DPYSL5: variants seen among roughly 807,000 people sequenced by gnomAD.
The protein encoded by DPYSL5 is dihydropyrimidinase-related protein 5.
DPYSL5 carries 9 observed loss-of-function variants against 58.4 expected under a neutral mutation model. The ratio of observed to expected loss-of-function variants is 0.15; its 90% CI spans 0.09 to 0.27. The LOEUF is 0.27. DPYSL5 is among the 10% of genes least tolerant of loss of function. DPYSL5 has a pLI of 1.00. For missense variants in DPYSL5, 499 were observed against 770.6 expected, an observed-to-expected ratio of 0.65 and a Z score of 4.17; for synonymous variants, 293 against 301.9, an observed-to-expected ratio of 0.97 and a Z score of 0.31.
At chr2:26,931,573 G>T in intron 5 of DPYSL5, 67 bp from the exon 6 acceptor site, 1 of 1,598,904 alleles carries the variant, frequency 6.3e-7, no homozygotes, top group Non-Finnish European at 8.6e-7. Context: ...GAAGGGGAGA[G>T]TATGGTGTGG....
rs1252301588 is a variant in DPYSL5, at chr2:26,924,995, G to A, written c.370G>A (p.Val124Ile). Residue 124 changes from valine (V) to isoleucine (I), a missense_variant, in exon 3 of 13, where the codon GTC becomes ATC. This residue lies in a region of DPYSL5 where 404 missense variants were observed against 647.6 expected (regional missense o/e 0.62). Transcript: ENST00000288699. This position sits in a 1 kb window ranked among gnomAD's most constrained non-coding sequence, Gnocchi z 4.7. ...GTGCCGAGGTCTGGCCGACCCCAAG[G>A]TCTGCTGTGATTACGCCCTCCACGT... ...EKCRGLADPK[V>I]CCDYALHVGI... 1 of 1,614,166 alleles carries A rather than the reference G, an allele frequency of 6.2e-7. No individual in the cohort carries two copies. The highest frequency in any genetic ancestry group is 1.1e-5 in the South Asian group (1 of 91,078).
chr2:26,913,219 T>C (rs536331652), intron 2 of DPYSL5, among the ~76,000 whole-genome samples: 2 of 152,314 alleles, frequency 1.3e-5, no homozygotes, highest in South Asian at 4.1e-4. Context: ...TGGCTCTCTA[T>C]TGATGAGGGT....
intron 1 of DPYSL5, among the ~76,000 whole-genome samples, chr2:26,863,978 C>T (rs550271281): frequency 7.2e-5 from 11 of 152,246 alleles, no homozygotes; most frequent in African/African-American, 2.6e-4. Flanking sequence ...TGCAGTGGCT[C>T]ACACTTGTAA....
In DPYSL5 at chr2:26,931,680, A is replaced by G; in HGVS notation, c.710A>G (p.Asn237Ser). Residue 237 changes from asparagine (N) to serine (S), a missense_variant, in exon 6 of 13, where the codon AAC (asparagine) becomes AGC (serine). Transcript: ENST00000288699. Reference sequence around the variant, plus strand: ...ACTCATCGTGTTATCACCATTGCAAACAGGGTAAGTCCCCCGATGTCCACT... The same window carrying G: ...ACTCATCGTGTTATCACCATTGCAAGCAGGGTAAGTCCCCCGATGTCCACT... ...EATHRVITIA[N>S]RTHCPIYLVN... 6.2e-7 allele frequency: 1 copy of G among 1,613,934 alleles called. No individual in the cohort carries two copies. Among genetic ancestry groups the G allele is most frequent in the Non-Finnish European group, 8.5e-7 (1 of 1,179,928 alleles).
rs149842466 is a variant in DPYSL5 at position 26,885,082 on chromosome 2, C to T, written c.-4-13414C>T. On this transcript the variant is annotated intron_variant, in intron 1 of 12. Coordinates refer to ENST00000288699, the MANE Select transcript of DPYSL5 (RefSeq NM_020134.4). ...GGCGTGGTGGCAGGTACCTGTAATC[C>T]CAGCTACTCGGGAGGCTGAGGCAGG... 9.1e-3 allele frequency among the ~76,000 whole-genome samples: 1,390 copies of T among 152,144 alleles called. 16 individuals carry two copies. Among genetic ancestry groups the T allele is most frequent in the African/African-American group, 0.03 (1,264 of 41,502 alleles).
rs537629773 is a variant in DPYSL5 at position 26,880,758 on chromosome 2, G to A, written c.-4-17738G>A. ...TCCCATCACTCACAGCTCAGAGTCC[G>A]TTCCTGTGGCTGACGCTGTAAATGC... On this transcript the variant is annotated intron_variant, in intron 1 of 12. Transcript: ENST00000288699. Among the ~76,000 whole-genome samples, 11 of 152,286 alleles carry A rather than the reference G, an allele frequency of 7.2e-5. No homozygotes were observed. The South Asian group carries it at 8.3e-4, about 11-fold the overall frequency.
rs78379917 is a variant in DPYSL5, at chr2:26,887,144, A to T, written c.-4-11352A>T. ...GATATAACAGTCTTGTGTGTTTTTGATATCACAGTGACCAGTTATCTGTAA... is the reference window on the plus strand; with the variant it reads ...GATATAACAGTCTTGTGTGTTTTTGTTATCACAGTGACCAGTTATCTGTAA... On this transcript the variant is annotated intron_variant, in intron 1 of 12. Coordinates refer to ENST00000288699, the MANE Select transcript of DPYSL5 (RefSeq NM_020134.4). Among the ~76,000 whole-genome samples the T allele has an allele frequency of 3.6e-3, 553 of 152,322 alleles. 7 individuals carry two copies. The East Asian group carries it at 0.054, about 15-fold the overall frequency.
rs1664075620 is a variant in DPYSL5, at chr2:26,898,617, C to T, written c.118C>T (p.Arg40Cys). 1.2e-6 allele frequency: 2 copies of T among 1,613,992 alleles called. No homozygotes were observed. The highest frequency in any genetic ancestry group is 1.7e-6 in the Non-Finnish European group (2 of 1,180,036). ...GAATGGCATCATCCAGCAGGTGGGC[C>T]GCGAGCTCATGATCCCTGGCGGGGC... ...IENGIIQQVG[R>C]ELMIPGGAKV... The change falls in exon 2 of 13, where the codon CGC becomes TGC. Residue 40 changes from arginine to cysteine, a missense_variant. Physicochemically the swap from Arg to Cys is radical, Grantham distance 180 (BLOSUM62 -3). This residue lies in a region of DPYSL5 where 404 missense variants were observed against 647.6 expected (regional missense o/e 0.62). Coordinates refer to ENST00000288699, the MANE Select transcript of DPYSL5 (RefSeq NM_020134.4). This position sits in a 1 kb window ranked among gnomAD's most constrained non-coding sequence, Gnocchi z 6.1.
chr2:26,921,539 C>T (rs996920160), intron 2 of DPYSL5, among the ~76,000 whole-genome samples: 1 of 152,276 alleles, frequency 6.6e-6, no homozygotes, highest in African/African-American at 2.4e-5. Flanking sequence ...CTAAAAAGGT[C>T]TGTCACATCT....
At chr2:26,945,612 C>T (rs942848319) in intron 12 of DPYSL5, among the ~76,000 whole-genome samples, 2 of 150,396 alleles carry the variant, frequency 1.3e-5, no homozygotes, top group Admixed American at 6.7e-5. Flanking sequence ...CTCCAGGTGG[C>T]TTAGGTGGGA....
At chr2:26,881,138 G>A (rs1243926661) in intron 1 of DPYSL5, among the ~76,000 whole-genome samples, 1 of 152,102 alleles carries the variant, frequency 6.6e-6, no homozygotes. Context: ...CACAGCCAAG[G>A]TCACTGCCCT....
intron 1 of DPYSL5, among the ~76,000 whole-genome samples, chr2:26,897,602 A>C (rs1664051544): frequency 6.6e-6 from 1 of 152,140 alleles, no homozygotes; most frequent in African/African-American, 2.4e-5. Flanking sequence ...TTCACGAGAG[A>C]TATTGCTCTG....
chr2:26,887,492 G>A (rs1252540981), intron 1 of DPYSL5, among the ~76,000 whole-genome samples: 1 of 152,230 alleles, frequency 6.6e-6, no homozygotes, highest in Admixed American at 6.5e-5. Context: ...CCAAAACACA[G>A]TGTTGGGCTT....
chr2:26,912,504 C>G (rs985492624), intron 2 of DPYSL5, among the ~76,000 whole-genome samples: 1 of 152,070 alleles, frequency 6.6e-6, no homozygotes, highest in African/African-American at 2.4e-5. Context: ...GTAAACGTCC[C>G]TTTTTGGGGT....
chr2:26,914,435 T>C (rs1415123732), intron 2 of DPYSL5, among the ~76,000 whole-genome samples: 1 of 152,198 alleles, frequency 6.6e-6, no homozygotes, highest in South Asian at 2.1e-4. Context: ...TCCTCTAGTC[T>C]TTCCAGGCAT....
In DPYSL5 at chr2:26,924,848, G is replaced by T; in HGVS notation, c.262-39G>T. ...CACCACATCATTGACTCGGGGGCAG[G>T]CAGGGCTGTGACGAGACTGCCTTTT... is the stretch of plus-strand genomic sequence containing the variant. On this transcript the variant is annotated intron_variant, in intron 2 of 12. Coordinates refer to ENST00000288699, the MANE Select transcript of DPYSL5 (RefSeq NM_020134.4). This position sits in a 1 kb window ranked among gnomAD's most constrained non-coding sequence, Gnocchi z 4.7. 6.3e-7 allele frequency: 1 copy of T among 1,599,548 alleles called. No homozygotes were observed. Among genetic ancestry groups the T allele is most frequent in the Non-Finnish European group, 8.5e-7 (1 of 1,172,518 alleles).
chr2:26,941,699 G>A (rs539586274), intron 9 of DPYSL5, among the ~76,000 whole-genome samples: 31 of 152,328 alleles, frequency 2.0e-4, no homozygotes, highest in Non-Finnish European at 4.3e-4. Flanking sequence ...ATTTGCCCCC[G>A]GGCAGGAAGC....
At chr2:26,936,156 G>T (rs894711842) in intron 8 of DPYSL5, among the ~76,000 whole-genome samples, 2 of 152,140 alleles carry the variant, frequency 1.3e-5, no homozygotes. Flanking sequence ...GGAAAGAGGA[G>T]GGGAGGGAAT....
Position 26,942,556 on chromosome 2 carries a change from A to G in DPYSL5, c.1246A>G (p.Ser416Gly). The change falls in exon 11 of 13, where the codon AGC (serine) becomes GGC (glycine). Residue 416 changes from serine to glycine, a missense_variant. Ser to Gly is a moderately conservative substitution (Grantham distance 56). Transcript: ENST00000288699. This position sits in a 1 kb window ranked among gnomAD's most constrained non-coding sequence, Gnocchi z 5.9. ...CCTCCCCACCAGGACCATCTCAGCC[A>G]GCACGCAGGTCCAGGGAGGAGACTT... Reference protein sequence around the residue: ...DPEATKTISASTQVQGGDFNL... With the variant: ...DPEATKTISAGTQVQGGDFNL... 1.2e-6 allele frequency: 2 copies of G among 1,614,048 alleles called. No individual in the cohort carries two copies. The highest frequency in any genetic ancestry group is 1.7e-6 in the Non-Finnish European group (2 of 1,179,984).
Sources: allele counts gnomAD v4.1 joint callset (sites outside exome capture counted in the v4.1 genomes callset), GRCh38; gene constraint gnomAD v4.1.1; regional missense constraint gnomAD v4.1.1; non-coding constraint Gnocchi (gnomAD v3.1); transcripts MANE v1.5; gene names NCBI Gene and HGNC (gene_info 2026-07-23, HGNC 2026-07-21).